Variants in TRPM6 observed in about 807,000 individuals in gnomAD.
TRPM6 encodes channel kinase 2.
Under a neutral mutation model 247.6 loss-of-function variants are expected in TRPM6, and 111 were observed. The ratio of observed to expected loss-of-function variants is 0.45; its 90% CI spans 0.38 to 0.52. The LOEUF (loss-of-function observed/expected upper bound fraction) is 0.52. Ranked by LOEUF, TRPM6 falls within the 20% of genes least tolerant of loss-of-function variation. The pLI is 0.00. For missense variants in TRPM6, 2,126 were observed against 2,421.5 expected, an observed-to-expected ratio of 0.88 and a Z score of 2.56; for synonymous variants, 892 against 853.8, an observed-to-expected ratio of 1.04 and a Z score of -0.78.
chr9:74,732,603 T>C (rs1056846373), intron 37 of TRPM6, 82 bp downstream of exon 37: 3 of 1,080,974 alleles, frequency 2.8e-6, no homozygotes, highest in Admixed American at 2.0e-5. Flanking sequence ...GCAGGGAACA[T>C]ATATGTTTGT....
chr9:74,847,056 C>G (rs1830133859), intron 3 of TRPM6, among the ~76,000 whole-genome samples: 1 of 152,158 alleles, frequency 6.6e-6, no homozygotes, highest in Non-Finnish European at 1.5e-5. Context: ...TGCAAGCCAA[C>G]AATGGTCTTT....
intron 25 of TRPM6, among the ~76,000 whole-genome samples, chr9:74,763,800 A>T (rs1481276453): frequency 6.6e-6 from 1 of 152,224 alleles, no homozygotes; most frequent in African/African-American, 2.4e-5. Context: ...TTCATGTAAA[A>T]GCAACACAAC....
intron 1 of TRPM6, among the ~76,000 whole-genome samples, chr9:74,864,602 C>T (rs1467850140): frequency 1.3e-5 from 2 of 152,188 alleles, no homozygotes; most frequent in Non-Finnish European, 1.5e-5. Context: ...CTTCATCTCA[C>T]TTTGGTGGTA....
At chr9:74,858,421 C>T (rs1308141171) in intron 2 of TRPM6, among the ~76,000 whole-genome samples, 1 of 102,668 alleles carries the variant, frequency 9.7e-6, no homozygotes, top group African/African-American at 3.8e-5. Flanking sequence ...TATCAAGAGC[C>T]TACTATGTGG....
At chr9:74,872,350 T>C (rs1297498095) in intron 1 of TRPM6, among the ~76,000 whole-genome samples, 1 of 152,168 alleles carries the variant, frequency 6.6e-6, no homozygotes, top group African/African-American at 2.4e-5. Flanking sequence ...TTGGCCAGGC[T>C]GGTCTCAAAC....
intron 2 of TRPM6, chr9:74,857,657 C>G (rs895971535): frequency 6.6e-6 from 1 of 152,186 alleles, no homozygotes; most frequent in African/African-American, 2.4e-5. Flanking sequence ...ATTATCTGCT[C>G]AATCCAAAAG....
intron 3 of TRPM6, among the ~76,000 whole-genome samples, chr9:74,852,441 G>GCTCCCCCTCCTCCCTCTCCCT (rs1830356811): frequency 7.4e-6 from 1 of 135,102 alleles, no homozygotes; most frequent in African/African-American, 2.8e-5. Context: ...TCCCTCTCCC[G>GCTCCCCCTCCTCCCTCTCCCT]CTCCCCCTCC....
chr9:74,834,786 A>G (rs1246892435), intron 5 of TRPM6, among the ~76,000 whole-genome samples: 1 of 152,126 alleles, frequency 6.6e-6, no homozygotes, highest in African/African-American at 2.4e-5. Flanking sequence ...TTATGGCTGC[A>G]TAGTATTCCA....
At chr9:74,831,972 G>A (rs1157127014) in intron 6 of TRPM6, among the ~76,000 whole-genome samples, 1 of 152,156 alleles carries the variant, frequency 6.6e-6, no homozygotes, top group Non-Finnish European at 1.5e-5. Flanking sequence ...ATAATTAAAT[G>A]TCATCACGTT....
At chr9:74,873,212 G>A (rs748552282) in intron 1 of TRPM6, among the ~76,000 whole-genome samples, 9 of 151,802 alleles carry the variant, frequency 5.9e-5, no homozygotes, top group African/African-American at 1.5e-4. Flanking sequence ...TCCTTTCTCC[G>A]CCAACTTAGA....
At chr9:74,771,634 C>T (rs536917216) in intron 25 of TRPM6, 69 bp downstream of exon 25, 1 of 1,490,220 alleles carries the variant, frequency 6.7e-7, no homozygotes, top group South Asian at 1.1e-5. Context: ...TCTTTCTACA[C>T]CTTTAGATAT....
intron 15 of TRPM6, among the ~76,000 whole-genome samples, chr9:74,802,569 C>T (rs1015918844): frequency 1.3e-5 from 2 of 152,142 alleles, no homozygotes; most frequent in South Asian, 4.1e-4. Flanking sequence ...GAAATAGAGA[C>T]TACATGACAA....
chr9:74,784,149 G>A (rs2118934569), intron 21 of TRPM6, among the ~76,000 whole-genome samples: 1 of 151,992 alleles, frequency 6.6e-6, no homozygotes, highest in Admixed American at 6.5e-5. Flanking sequence ...CCTACTATAG[G>A]CTACTCAGGA....
intron 1 of TRPM6, among the ~76,000 whole-genome samples, chr9:74,874,264 T>C (rs1564061960): frequency 6.6e-6 from 1 of 151,478 alleles, no homozygotes; most frequent in Non-Finnish European, 1.5e-5. Flanking sequence ...AAAACAAGAA[T>C]TAGAGTTGTC....
In TRPM6 at chr9:74,785,940, T is replaced by C. The variant is rs1461472977; in HGVS notation, c.2853A>G (p.Ser951=). 37 of 1,613,390 alleles carry C rather than the reference T, an allele frequency of 2.3e-5. No individual in the cohort carries two copies. The highest frequency in any genetic ancestry group is 3.0e-5 in the Non-Finnish European group (35 of 1,179,522). ...TCACAGCAAAGAAGTCCAGGAGCCG[T>C]GAGAACCAGAATATGATGTCTATGC... The part of the protein sequence containing the change: ...IYCIDIIFWF[S]RLLDFFAVNQ... The change falls in exon 21 of 39, where the codon TCA becomes TCG. Residue 951 remains serine, a synonymous_variant. Transcript: ENST00000360774.
rs1417552398 is a variant in TRPM6 at position 74,823,298 on chromosome 9, C to A, written c.842-1461G>T. On this transcript the variant is annotated intron_variant, in intron 7 of 38. Transcript: ENST00000360774. ...AGCTTACTAGGATGCCCAAAGAACA[C>A]CACGTTGCTAAGTACTTCCAAAAAT... Among the ~76,000 whole-genome samples, 3 of 152,340 alleles carry A rather than the reference C, an allele frequency of 2.0e-5. No homozygotes were observed. In the South Asian group the frequency reaches 6.2e-4, roughly 32 times the overall value.
In TRPM6 at chr9:74,814,031, A is replaced by C. The variant is rs1377511899; in HGVS notation, c.1309-1598T>G. Among the ~76,000 whole-genome samples, 2 of 152,220 alleles carry C rather than the reference A, an allele frequency of 1.3e-5. 1 individual carries two copies. The highest frequency in any genetic ancestry group is 2.9e-5 in the Non-Finnish European group (2 of 68,034). ...AGAATTGCTTGAATCTGAGAGGTGG[A>C]CATTGCAATAAGCCAAGATTGTACC... On this transcript the variant is annotated intron_variant, in intron 11 of 38. Coordinates refer to ENST00000360774, the MANE Select transcript of TRPM6 (RefSeq NM_017662.5).
At chr9:74,743,990 C>T (rs773933934) in intron 32 of TRPM6, 105 bp downstream of exon 32, 19 of 1,124,226 alleles carry the variant, frequency 1.7e-5, no homozygotes, top group Admixed American at 6.9e-5. Flanking sequence ...CTTTTCAAGT[C>T]GCGAGCCATG....
At chr9:74,813,211 G>A (rs909374240) in intron 11 of TRPM6, among the ~76,000 whole-genome samples, 16 of 152,040 alleles carry the variant, frequency 1.1e-4, no homozygotes, top group Admixed American at 1.0e-3. Flanking sequence ...TACAGTAAAG[G>A]GATTTTTGTT....
Sources: gnomAD v4.1 joint callset for allele counts (sites outside exome capture counted in the v4.1 genomes callset) on GRCh38, gnomAD v4.1.1 for gene constraint, MANE v1.5 for transcripts, NCBI Gene and HGNC (gene_info 2026-07-23, HGNC 2026-07-21) for gene names.